SQOR: variants seen among roughly 807,000 people sequenced by gnomAD.
The protein encoded by SQOR is sulfide:quinone oxidoreductase, mitochondrial.
Under a neutral mutation model 48.6 loss-of-function variants are expected in SQOR, and 39 were observed. The observed-to-expected ratio is 0.80, with a 90% confidence interval of 0.62 to 1.05. SQOR has a LOEUF of 1.05. SQOR is among the 50% of genes least tolerant of loss of function. The probability of loss-of-function intolerance (pLI) is 0.00; values close to 1 mark genes in which losing one functional copy is unlikely to be tolerated. For synonymous variants in SQOR, 220 were observed against 206.2 expected (o/e 1.07, Z -0.57); for missense variants, 561 against 559.9 (o/e 1.00, Z -0.02).
chr15:45,649,901 G>A (rs1414516372), intron 1 of SQOR, among the ~76,000 whole-genome samples: 4 of 152,082 alleles, frequency 2.6e-5, no homozygotes, highest in African/African-American at 9.7e-5. Flanking sequence ...CACCCAGGCT[G>A]GCGTGACCTC....
At chr15:45,648,176 TTTTTTTG>T (rs1889382992) in intron 1 of SQOR, among the ~76,000 whole-genome samples, 1 of 151,856 alleles carries the variant, frequency 6.6e-6, no homozygotes, top group Admixed American at 6.6e-5. Context: ...TGTTTTTTTG[TTTTTTTG>T]TTTTTTTTTT....
intron 1 of SQOR, among the ~76,000 whole-genome samples, chr15:45,643,585 C>G (rs1265635241): frequency 6.6e-6 from 1 of 152,184 alleles, no homozygotes; most frequent in East Asian, 1.9e-4. Context: ...TTTAGCATAG[C>G]TAAATGTAAG....
At chr15:45,648,622 TGAG>T (rs201278917) in intron 1 of SQOR, among the ~76,000 whole-genome samples, 8 of 152,194 alleles carry the variant, frequency 5.3e-5, no homozygotes, top group African/African-American at 1.7e-4. Context: ...AGGATTTAGT[TGAG>T]GAGGAGGAGG....
chr15:45,689,375 A>C, intron 9 of SQOR, 158 bp downstream of exon 9: 1 of 616,598 alleles, frequency 1.6e-6, no homozygotes, highest in Non-Finnish European at 2.7e-6. Context: ...AATAATAGTA[A>C]ATCACTTTCA....
At chr15:45,678,995 C>CTT (rs1205451466) in intron 6 of SQOR, among the ~76,000 whole-genome samples, 1 of 152,192 alleles carries the variant, frequency 6.6e-6, no homozygotes, top group African/African-American at 2.4e-5. Context: ...CCGAAGCATC[C>CTT]TTTTATGAGC....
upstream of SQOR, among the ~76,000 whole-genome samples, chr15:45,634,317 A>C (rs902076276): frequency 4.6e-5 from 7 of 150,612 alleles, no homozygotes; most frequent in African/African-American, 1.7e-4. Context: ...TAGCACTTGC[A>C]CTTCTCAGGT....
intron 1 of SQOR, among the ~76,000 whole-genome samples, chr15:45,637,206 G>A (rs1256689987): frequency 2.6e-5 from 4 of 152,102 alleles, no homozygotes; most frequent in Non-Finnish European, 5.9e-5. Context: ...GGCTGGTCTT[G>A]AACTGCTGAC....
At chr15:45,661,071 C>T (rs566717089) in intron 2 of SQOR, among the ~76,000 whole-genome samples, 27 of 152,092 alleles carry the variant, frequency 1.8e-4, no homozygotes, top group Admixed American at 7.9e-4. Context: ...CACCTGAGGT[C>T]AGGAGTTCAA....
At chr15:45,636,853 A>G (rs9672672) in intron 1 of SQOR, among the ~76,000 whole-genome samples, 23,298 of 152,140 alleles carry the variant, frequency 0.15, 2,450 homozygotes, top group East Asian at 0.45. Flanking sequence ...AAAAATAAAG[A>G]TGTAAAATAC....
intron 1 of SQOR, among the ~76,000 whole-genome samples, chr15:45,651,269 C>T (rs935255227): frequency 2.0e-5 from 3 of 152,204 alleles, no homozygotes; most frequent in Non-Finnish European, 2.9e-5. Flanking sequence ...CCTCACTGCC[C>T]GGGCCTGTGG....
At chr15:45,665,989 G>A (rs1175052524) in intron 3 of SQOR, among the ~76,000 whole-genome samples, 1 of 152,172 alleles carries the variant, frequency 6.6e-6, no homozygotes, top group Non-Finnish European at 1.5e-5. Flanking sequence ...CCTGATCCGG[G>A]GGTGTGTTTG....
At chr15:45,637,720 C>T (rs959377841) in intron 1 of SQOR, among the ~76,000 whole-genome samples, 11 of 152,262 alleles carry the variant, frequency 7.2e-5, no homozygotes, top group African/African-American at 1.9e-4. Flanking sequence ...GAAAGGAAAC[C>T]GGATTCCTTT....
At chr15:45,670,042 AT>A in intron 4 of SQOR, 61 bp downstream of exon 4, 1 of 1,469,478 alleles carries the variant, frequency 6.8e-7, no homozygotes, top group Non-Finnish European at 9.5e-7. Context: ...CAAATGCTGC[AT>A]TTAGTTGCTT....
intron 3 of SQOR, 95 bp downstream of exon 3, chr15:45,662,220 TA>T (rs1889733374): frequency 7.5e-7 from 1 of 1,330,172 alleles, no homozygotes; most frequent in South Asian, 1.3e-5. Flanking sequence ...GAAAGAGCGG[TA>T]TATATGCATG....
At chr15:45,643,716 T>C (rs1312523572) in intron 1 of SQOR, among the ~76,000 whole-genome samples, 1 of 152,230 alleles carries the variant, frequency 6.6e-6, no homozygotes, top group African/African-American at 2.4e-5. Flanking sequence ...ACAAATTCAG[T>C]GTAGGTATAA....
intron 3 of SQOR, among the ~76,000 whole-genome samples, chr15:45,669,031 T>G (rs1284618699): frequency 1.3e-5 from 2 of 151,828 alleles, no homozygotes; most frequent in Non-Finnish European, 2.9e-5. Flanking sequence ...AAAAGAGCAA[T>G]CTCCCAATTA....
chr15:45,671,046 G>C (rs1345233412), intron 4 of SQOR, among the ~76,000 whole-genome samples: 1 of 152,220 alleles, frequency 6.6e-6, no homozygotes, highest in African/African-American at 2.4e-5. Context: ...GCAGAGGCCA[G>C]TGCTCAGAGT....
chr15:45,661,890 G>A, intron 2 of SQOR, 65 bp from the exon 3 acceptor site: 1 of 1,502,414 alleles, frequency 6.7e-7, no homozygotes, highest in Non-Finnish European at 9.0e-7. Flanking sequence ...AGCCCATACT[G>A]TTAGCTATGA....
At chr15:45,657,845 A>C (rs1382769258) in intron 1 of SQOR, among the ~76,000 whole-genome samples, 1 of 152,136 alleles carries the variant, frequency 6.6e-6, no homozygotes, top group Non-Finnish European at 1.5e-5. Context: ...CATTTTAATA[A>C]AGGGTTCTTG....
Sources: gnomAD v4.1 joint callset for allele counts (sites outside exome capture counted in the v4.1 genomes callset) on GRCh38, gnomAD v4.1.1 for gene constraint, MANE v1.5 for transcripts, NCBI Gene and HGNC (gene_info 2026-07-23, HGNC 2026-07-21) for gene names.